Variants in PARD3B observed in about 807,000 individuals in gnomAD.
PARD3B encodes par-3 family cell polarity regulator beta, also known as partitioning defective 3 homolog B.
In PARD3B, 103 loss-of-function variants were observed where a neutral mutation model predicts 130.2. That is an observed-to-expected ratio of 0.79 (90% CI 0.67 to 0.93). The LOEUF is 0.93. PARD3B is among the 40% of genes least tolerant of loss of function. The pLI is 0.00. For missense variants in PARD3B, 1,609 were observed against 1,499.2 expected, an observed-to-expected ratio of 1.07 and a Z score of -1.21; for synonymous variants, 583 against 553.2, an observed-to-expected ratio of 1.05 and a Z score of -0.76.
intron 1 of PARD3B, among the ~76,000 whole-genome samples, chr2:204,565,134 GA>G (rs1249348291): frequency 2.2e-4 from 33 of 152,328 alleles, no homozygotes; most frequent in African/African-American, 7.5e-4. Context: ...CTACTAGCTA[GA>G]GGCCACCTTC....
intron 4 of PARD3B, among the ~76,000 whole-genome samples, chr2:205,098,628 G>A (rs746302499): frequency 2.6e-5 from 4 of 152,072 alleles, no homozygotes; most frequent in African/African-American, 4.8e-5. Flanking sequence ...ATGAATACAC[G>A]TTCTTGTATG....
At chr2:204,874,572 G>A (rs894203455) in intron 2 of PARD3B, among the ~76,000 whole-genome samples, 16 of 151,958 alleles carry the variant, frequency 1.1e-4, no homozygotes, top group African/African-American at 3.4e-4. Flanking sequence ...AAAATTTTTT[G>A]TTATTTTTTT....
chr2:205,527,313 T>C (rs909242412), intron 21 of PARD3B, among the ~76,000 whole-genome samples: 1 of 151,996 alleles, frequency 6.6e-6, no homozygotes, highest in Non-Finnish European at 1.5e-5. Flanking sequence ...GACCAGGCCT[T>C]TGACAAGGGG....
At chr2:205,149,092 C>A (rs1426331260) in intron 10 of PARD3B, among the ~76,000 whole-genome samples, 4 of 152,138 alleles carry the variant, frequency 2.6e-5, no homozygotes, top group Non-Finnish European at 5.9e-5. Context: ...CCAGAGATGG[C>A]CTTATTTGGA....
intron 22 of PARD3B, among the ~76,000 whole-genome samples, chr2:205,594,260 G>C (rs529934581): frequency 8.2e-4 from 125 of 152,314 alleles, no homozygotes; most frequent in African/African-American, 2.9e-3. Context: ...TCCTATCCGA[G>C]GTCCCTTCTC....
At chr2:204,953,081 G>A (rs72940478) in intron 2 of PARD3B, among the ~76,000 whole-genome samples, 1 of 127,864 alleles carries the variant, frequency 7.8e-6, no homozygotes, top group Non-Finnish European at 1.6e-5. Context: ...GAGAGGGAGA[G>A]AGAGAGACAG....
chr2:205,264,034 T>G lies in PARD3B; in HGVS notation c.2185+18212T>G, dbSNP rs563658493. 5.3e-5 allele frequency among the ~76,000 whole-genome samples: 8 copies of G among 151,148 alleles called. No homozygotes were observed. In the East Asian group the frequency reaches 1.6e-3, roughly 29 times the overall value. ...ATAGGACTTGACACTTTTTTATATT[T>G]GTAAACAAGAGACAGGAAGGACCCA... On this transcript the variant is annotated intron_variant, in intron 16 of 22. Coordinates refer to ENST00000406610, the MANE Select transcript of PARD3B (RefSeq NM_001302769.2).
chr2:205,039,995 G>A (rs1032790867), intron 3 of PARD3B, among the ~76,000 whole-genome samples: 5 of 151,980 alleles, frequency 3.3e-5, no homozygotes, highest in Non-Finnish European at 4.4e-5. Flanking sequence ...ACAGAGTCTC[G>A]CTCTGTTACC....
chr2:205,350,469 T>C (rs1284218159), intron 18 of PARD3B, among the ~76,000 whole-genome samples: 3 of 152,218 alleles, frequency 2.0e-5, no homozygotes, highest in African/African-American at 4.8e-5. Context: ...AAAATAATAT[T>C]GGCTTTATGA....
At chr2:205,443,346 G>C (rs570063925) in intron 20 of PARD3B, among the ~76,000 whole-genome samples, 4 of 152,076 alleles carry the variant, frequency 2.6e-5, no homozygotes, top group Non-Finnish European at 5.9e-5. Flanking sequence ...CACTCATTTA[G>C]TAAGTATGTA....
intron 2 of PARD3B, among the ~76,000 whole-genome samples, chr2:204,854,251 G>T (rs935323409): frequency 2.6e-5 from 4 of 152,144 alleles, no homozygotes; most frequent in African/African-American, 9.7e-5. Flanking sequence ...CTCTTTCAAG[G>T]TCTATATGGA....
intron 1 of PARD3B, among the ~76,000 whole-genome samples, chr2:204,660,491 A>G (rs2035769725): frequency 6.6e-6 from 1 of 152,142 alleles, no homozygotes; most frequent in African/African-American, 2.4e-5. Flanking sequence ...TAAGACATAG[A>G]AATGTATGAT....
chr2:204,965,741 TG>T (rs1307160302), intron 3 of PARD3B, among the ~76,000 whole-genome samples: 2 of 152,198 alleles, frequency 1.3e-5, no homozygotes, highest in African/African-American at 4.8e-5. Flanking sequence ...TCTCAGAATC[TG>T]GGGGAAATGT....
intron 15 of PARD3B, among the ~76,000 whole-genome samples, chr2:205,227,256 G>T (rs2125885968): frequency 6.6e-6 from 1 of 152,184 alleles, no homozygotes; most frequent in Non-Finnish European, 1.5e-5. Flanking sequence ...TCGATGATCT[G>T]TCCAATGCTG....
At position 204,857,102 on chromosome 2, in the gene PARD3B, G is replaced by T. The variant is rs563082392; in HGVS notation, c.223-108050G>T. Among the ~76,000 whole-genome samples, 5 of 152,120 alleles carry T rather than the reference G, an allele frequency of 3.3e-5. No homozygotes were observed. In the South Asian group the frequency reaches 1.0e-3, roughly 32 times the overall value. On this transcript the variant is annotated intron_variant, in intron 2 of 22. Coordinates refer to ENST00000406610, the MANE Select transcript of PARD3B (RefSeq NM_001302769.2). ...AATCTCTCACTTATTATCAGTTATT[G>T]CTGAAGCCAGTGAAATTCATATTAT... is the stretch of plus-strand genomic sequence containing the variant.
At chr2:204,977,451 G>A (rs963248553) in intron 3 of PARD3B, among the ~76,000 whole-genome samples, 3 of 152,246 alleles carry the variant, frequency 2.0e-5, no homozygotes, top group African/African-American at 7.2e-5. Context: ...TGTTTAGAGA[G>A]AATTTCAAAT....
At chr2:204,921,753 A>C (rs987695712) in intron 2 of PARD3B, among the ~76,000 whole-genome samples, 4 of 152,094 alleles carry the variant, frequency 2.6e-5, no homozygotes, top group African/African-American at 9.7e-5. Context: ...TAGAAAGAAA[A>C]GTTTCATGGT....
At chr2:205,112,342 T>C (rs1337957449) in intron 5 of PARD3B, among the ~76,000 whole-genome samples, 1 of 152,108 alleles carries the variant, frequency 6.6e-6, no homozygotes, top group African/African-American at 2.4e-5. Flanking sequence ...GAGAATATAT[T>C]TAATGTATTT....
At chr2:205,234,120 A>G (rs1007918045) in intron 15 of PARD3B, among the ~76,000 whole-genome samples, 11 of 152,222 alleles carry the variant, frequency 7.2e-5, no homozygotes, top group African/African-American at 2.7e-4. Flanking sequence ...TTAAATATAT[A>G]TGTTAGACCA....
Sources: allele counts gnomAD v4.1 joint callset (sites outside exome capture counted in the v4.1 genomes callset), GRCh38; gene constraint gnomAD v4.1.1; transcripts MANE v1.5; gene names NCBI Gene and HGNC (gene_info 2026-07-23, HGNC 2026-07-21).